FAM161B: variants seen among roughly 807,000 people sequenced by gnomAD.
FAM161B encodes the protein protein FAM161B.
Under a neutral mutation model 61.5 loss-of-function variants are expected in FAM161B, and 46 were observed. The observed-to-expected ratio is 0.75, with a 90% CI of 0.59 to 0.96. The LOEUF (loss-of-function observed/expected upper bound fraction) is 0.96. FAM161B is among the 40% of genes least tolerant of loss of function. The pLI is 0.00. For missense variants in FAM161B, 774 were observed against 800.7 expected (o/e 0.97, Z 0.40); for synonymous variants, 284 against 302.7 (o/e 0.94, Z 0.64).
chr14:73,941,791 C>G (rs190681818), intron 4 of FAM161B, among the ~76,000 whole-genome samples: 2 of 152,012 alleles, frequency 1.3e-5, no homozygotes, highest in Non-Finnish European at 2.9e-5. Context: ...CTGCAATCTC[C>G]GCCTCCCAGG....
chr14:73,926,050 A>G, the FAM161B span, among the ~76,000 whole-genome samples: 1 of 152,048 alleles, frequency 6.6e-6, no homozygotes, highest in Non-Finnish European at 1.5e-5. Context: ...CAAAAACACA[A>G]TTAACTTTAT....
intron 7 of FAM161B, 73 bp from the exon 8 acceptor site, chr14:73,936,161 TTGTTACAATAC>T (rs1380674009): frequency 1.4e-6 from 2 of 1,465,046 alleles, no homozygotes; most frequent in East Asian, 4.8e-5. Context: ...TTAATCAGTA[TTGTTACAATAC>T]TGCCACAACC....
chr14:73,927,438 A>G (rs1768650893), downstream of FAM161B, among the ~76,000 whole-genome samples: 2 of 152,144 alleles, frequency 1.3e-5, no homozygotes, highest in Admixed American at 1.3e-4. Flanking sequence ...TTGCCCTGAA[A>G]TCGTCATTTC....
chr14:73,946,257 G>C (rs1478247606), intron 2 of FAM161B, 29 bp downstream of exon 2: 6 of 1,592,978 alleles, frequency 3.8e-6, no homozygotes, highest in Non-Finnish European at 4.3e-6. Flanking sequence ...GGTGTGGAGT[G>C]AGGCAGCCGT....
chr14:73,935,559 A>AG (rs397726802), intron 8 of FAM161B, among the ~76,000 whole-genome samples: 1 of 150,594 alleles, frequency 6.6e-6, no homozygotes, highest in Non-Finnish European at 1.5e-5. Context: ...AAAAAAAAAA[A>AG]GGTTATGGAG....
chr14:73,939,137 A>C (rs914327449), intron 5 of FAM161B, among the ~76,000 whole-genome samples: 1 of 152,024 alleles, frequency 6.6e-6, no homozygotes, highest in African/African-American at 2.4e-5. Context: ...TCTCTACCAA[A>C]ACTACAAAAA....
chr14:73,930,503 T>G (rs1313915500), downstream of FAM161B, among the ~76,000 whole-genome samples: 4 of 151,954 alleles, frequency 2.6e-5, no homozygotes, highest in East Asian at 7.7e-4. Flanking sequence ...TTCATCCAAA[T>G]TAGGATCACC....
chr14:73,939,759 G>A (rs1369497584), intron 5 of FAM161B, among the ~76,000 whole-genome samples: 1 of 152,222 alleles, frequency 6.6e-6, no homozygotes, highest in Non-Finnish European at 1.5e-5. Context: ...AAAGTAATAT[G>A]TTGAGTTCTT....
the FAM161B span, chr14:73,924,900 A>C: frequency 9.6e-6 from 3 of 311,974 alleles, no homozygotes; most frequent in Non-Finnish European, 1.9e-5. Context: ...GATGGTCTCG[A>C]TCTCTTGACC....
rs773972741 is a variant in FAM161B, at chr14:73,935,908, AAT to A, written c.1805+39_1805+40del. ...TCCCAGTGGTATTACTGGGTATGAC[AAT>A]TTAGAGAGCTGCAGAATGACAGCAA... On this transcript the variant is annotated intron_variant, in intron 8 of 8. Transcript: ENST00000286544. 1.8e-5 allele frequency: 28 copies of A among 1,585,616 alleles called. No individual in the cohort carries two copies. The African/African-American group carries it at 3.6e-4, about 21-fold the overall frequency.
intron 2 of FAM161B, among the ~76,000 whole-genome samples, chr14:73,945,705 A>AG (rs1348702935): frequency 6.6e-6 from 1 of 151,930 alleles, no homozygotes; most frequent in Non-Finnish European, 1.5e-5. Context: ...CTGGAATTAG[A>AG]GGCGTAAACA....
At chr14:73,929,953 C>A (rs1388408113), downstream of FAM161B, among the ~76,000 whole-genome samples, 1 of 152,124 alleles carries the variant, frequency 6.6e-6, no homozygotes, top group East Asian at 1.9e-4. Context: ...ATTGCACAGG[C>A]CCAACTGGGA....
At position 73,946,525 on chromosome 14, in the gene FAM161B, G is replaced by A; in HGVS notation, c.135C>T (p.Ser45=). 1 of 1,614,162 alleles carries A rather than the reference G, an allele frequency of 6.2e-7. No homozygotes were observed. The highest frequency in any genetic ancestry group is 8.5e-7 in the Non-Finnish European group (1 of 1,180,046). ...SGDGLVLPRA[S]KLDEFLSPEE... ...CTGGGCTGAGGAACTCGTCAAGTTT[G>A]CTGGCCCTGGGCAAAACCAGCCCAT... Residue 45 remains serine (S), a synonymous_variant, in exon 2 of 9, where the codon AGC becomes AGT. Coordinates refer to ENST00000286544, the MANE Select transcript of FAM161B (RefSeq NM_152445.3).
chr14:73,923,427 T>C, the FAM161B span: 1 of 1,613,908 alleles, frequency 6.2e-7, no homozygotes, highest in Non-Finnish European at 8.5e-7. Flanking sequence ...ACGTTCCCTG[T>C]CTTCAGTGCC....
At chr14:73,947,710 T>C (rs771311881) in intron 1 of FAM161B, among the ~76,000 whole-genome samples, 2 of 152,138 alleles carry the variant, frequency 1.3e-5, no homozygotes, top group South Asian at 4.1e-4. Flanking sequence ...ATAAAGTCCA[T>C]CAGATTAAGG....
Position 73,932,510 on chromosome 14 carries a change from T to G in FAM161B, c.*1746A>C, listed in dbSNP as rs751422334. ...AAATGGCAATAAAAACAGATACTTC[T>G]GAATTTTTCCACAAAGATAGTTTTT... On this transcript the variant is annotated 3_prime_UTR_variant, in exon 9 of 9. Coordinates refer to ENST00000286544, the MANE Select transcript of FAM161B (RefSeq NM_152445.3). 13 of 447,214 alleles carry G rather than the reference T, an allele frequency of 2.9e-5. No homozygotes were observed. The highest frequency in any genetic ancestry group is 2.1e-4 in the South Asian group (13 of 62,336). The allele number at this position is 447,214 out of a possible 1,614,324, so 27.7% of individuals were successfully genotyped here.
chr14:73,938,684 A>G (rs1298397064), intron 5 of FAM161B, among the ~76,000 whole-genome samples: 1 of 151,762 alleles, frequency 6.6e-6, no homozygotes, highest in African/African-American at 2.4e-5. Flanking sequence ...AGGCAGGAGA[A>G]TGGCATGAAC....
At chr14:73,941,108 CTTTTTTTTTTTTTT>C in intron 4 of FAM161B, 55 bp from the exon 5 acceptor site, 1 of 955,300 alleles carries the variant, frequency 1.0e-6, no homozygotes, top group South Asian at 1.8e-5. Context: ...TAGTTTCTAT[CTTTTTTTTTTTTTT>C]TTTTTTTTGA....
rs201146693 is a variant in FAM161B, at chr14:73,944,579, C to G, written c.681G>C (p.Leu227=). The change falls in exon 3 of 9, where the codon CTG becomes CTC. Residue 227 remains leucine, a synonymous_variant. Coordinates refer to ENST00000286544, the MANE Select transcript of FAM161B (RefSeq NM_152445.3). The part of the protein sequence containing the change: ...RAQPVPAHVY[L]PLYQEIMERS... ...GCTCCATGATCTCTTGGTAGAGGGG[C>G]AGGTAGACATGTGCAGGCACAGGCT... is the stretch of plus-strand genomic sequence containing the variant. The G allele has an allele frequency of 6.2e-7, 1 of 1,614,102 alleles. No individual in the cohort carries two copies. Among genetic ancestry groups the G allele is most frequent in the East Asian group, 2.2e-5 (1 of 44,858 alleles).
Sources: allele counts gnomAD v4.1 joint callset (sites outside exome capture counted in the v4.1 genomes callset), GRCh38; gene constraint gnomAD v4.1.1; transcripts MANE v1.5; gene names NCBI Gene and HGNC (gene_info 2026-07-23, HGNC 2026-07-21).